Variants in RTN4 observed in about 807,000 individuals in gnomAD.
RTN4 encodes the protein reticulon 4.
A neutral mutation model predicts 90.4 loss-of-function variants in RTN4; 32 were observed. That is an observed-to-expected ratio of 0.35 (90% CI 0.27 to 0.48). The LOEUF is 0.48. Ranked by LOEUF, RTN4 falls within the 20% of genes least tolerant of loss-of-function variation. The pLI is 0.99. For missense variants in RTN4, 1,706 were observed against 1,430.2 expected (o/e 1.19, Z -3.11); for synonymous variants, 629 against 552.5 (o/e 1.14, Z -1.94).
chr2:55,070,668 TG>T (rs1033011636), intron 2 of RTN4, among the ~76,000 whole-genome samples: 1 of 152,018 alleles, frequency 6.6e-6, no homozygotes, highest in African/African-American at 2.4e-5. Context: ...AAATTGACTT[TG>T]GTTAAAAATC....
chr2:55,055,003 T>C (rs987068125), upstream of RTN4, among the ~76,000 whole-genome samples: 2 of 152,112 alleles, frequency 1.3e-5, no homozygotes, highest in African/African-American at 4.8e-5. Flanking sequence ...TAGTTAAGCA[T>C]TGACAGTTAG....
chr2:55,034,666 T>C (rs1008885413), intron 1 of RTN4, among the ~76,000 whole-genome samples: 10 of 152,230 alleles, frequency 6.6e-5, no homozygotes, highest in Non-Finnish European at 1.5e-4. Context: ...AGATGTAAAC[T>C]TTGATCTTTA....
intron 3 of RTN4, among the ~76,000 whole-genome samples, chr2:54,992,930 C>T (rs1477129672): frequency 2.6e-5 from 4 of 151,632 alleles, no homozygotes; most frequent in East Asian, 3.9e-4. Context: ...AAAAATTAGC[C>T]GGGCTTGGTG....
chr2:54,987,405 G>A (rs971283780), intron 4 of RTN4, 86 bp downstream of exon 4: 1 of 998,122 alleles, frequency 1.0e-6, no homozygotes. Flanking sequence ...ATGCATGCTT[G>A]TAACTCTATA....
At chr2:55,082,266 T>G (rs1668734979) in intron 1 of RTN4, among the ~76,000 whole-genome samples, 1 of 152,222 alleles carries the variant, frequency 6.6e-6, no homozygotes, top group African/African-American at 2.4e-5. Context: ...CTCCCTAAGC[T>G]CTTCCATAGA....
At position 55,097,139 on chromosome 2, in the gene RTN4, AG is replaced by A. The variant is rs143693871; in HGVS notation, c.-214+15380del. Among the ~76,000 whole-genome samples the A allele has an allele frequency of 2.4e-3, 360 of 151,898 alleles. 2 individuals are homozygous for A. The highest frequency in any genetic ancestry group is 4.3e-3 in the Admixed American group (66 of 15,198). On this transcript the variant is annotated intron_variant, in intron 1 of 3. Coordinates refer to the RTN4 transcript ENST00000427710. Reference sequence around the variant, plus strand: ...TAGGCAGAGGGCACAGCACGAACTAAGGCATGGCCACTAAGCAATTTAATAT... The same window carrying A: ...TAGGCAGAGGGCACAGCACGAACTAAGCATGGCCACTAAGCAATTTAATAT...
chr2:55,074,586 G>C (rs567597221), intron 2 of RTN4, among the ~76,000 whole-genome samples: 1 of 149,188 alleles, frequency 6.7e-6, no homozygotes, highest in East Asian at 2.0e-4. Flanking sequence ...TATGAAGACA[G>C]TATCACCCTA....
At chr2:55,131,831 C>A in the RTN4 span, among the ~76,000 whole-genome samples, 1 of 152,094 alleles carries the variant, frequency 6.6e-6, no homozygotes, top group Non-Finnish European at 1.5e-5. Flanking sequence ...TTGCAGTGAG[C>A]CAAGATGGCA....
chr2:55,077,026 T>A (rs77949601), intron 2 of RTN4, among the ~76,000 whole-genome samples: 2 of 138,618 alleles, frequency 1.4e-5, no homozygotes, highest in African/African-American at 6.2e-5. Flanking sequence ...TTTTTTTTTT[T>A]TTGAGACGGA....
intron 2 of RTN4, among the ~76,000 whole-genome samples, chr2:55,062,610 G>C (rs1048605824): frequency 6.6e-6 from 1 of 152,196 alleles, no homozygotes; most frequent in African/African-American, 2.4e-5. Context: ...GTCGCAAGTA[G>C]TACTGTGTAC....
At position 54,985,020 on chromosome 2, in the gene RTN4, C is replaced by A. The variant is rs1678436166; in HGVS notation, c.3222-2367G>T. Reference sequence around the variant, plus strand: ...AATATTTTCCAAAAACCTCAAAAATCAAATGATGTGTAAAATTGGAACGGT... The same window carrying A: ...AATATTTTCCAAAAACCTCAAAAATAAAATGATGTGTAAAATTGGAACGGT... On this transcript the variant is annotated intron_variant, in intron 4 of 8. Coordinates refer to ENST00000337526, the MANE Select transcript of RTN4 (RefSeq NM_020532.5). Among the ~76,000 whole-genome samples the A allele has an allele frequency of 2.0e-5, 3 of 152,104 alleles. No homozygotes were observed. The South Asian group carries it at 6.2e-4, about 32-fold the overall frequency.
the RTN4 span, among the ~76,000 whole-genome samples, chr2:55,128,584 G>T: frequency 6.6e-6 from 1 of 152,106 alleles, no homozygotes; most frequent in Non-Finnish European, 1.5e-5. Flanking sequence ...ATAACCATGG[G>T]ATAAGGAAGG....
At chr2:55,131,950 T>C in the RTN4 span, among the ~76,000 whole-genome samples, 131 of 152,324 alleles carry the variant, frequency 8.6e-4, no homozygotes, top group Non-Finnish European at 1.6e-3. Flanking sequence ...ATTTTAACAA[T>C]TACTGTTAAC....
At chr2:55,039,210 G>A (rs546517948) in intron 1 of RTN4, among the ~76,000 whole-genome samples, 9 of 152,174 alleles carry the variant, frequency 5.9e-5, no homozygotes, top group East Asian at 1.9e-4. Flanking sequence ...ACTAATGTAC[G>A]CATTTGTCAA....
intron 3 of RTN4, among the ~76,000 whole-genome samples, chr2:55,019,899 T>C (rs1056190099): frequency 1.3e-5 from 2 of 152,056 alleles, no homozygotes; most frequent in Non-Finnish European, 2.9e-5. Context: ...CGCATGTCTT[T>C]ACACAAACAA....
the RTN4 span, among the ~76,000 whole-genome samples, chr2:55,125,642 T>TGAGTA: frequency 6.6e-6 from 1 of 152,160 alleles, no homozygotes; most frequent in African/African-American, 2.4e-5. Flanking sequence ...GGCACATGCC[T>TGAGTA]GTAATTCCAG....
intron 2 of RTN4, among the ~76,000 whole-genome samples, chr2:55,069,538 T>G (rs1173348778): frequency 1.3e-5 from 2 of 152,112 alleles, no homozygotes; most frequent in Non-Finnish European, 2.9e-5. Flanking sequence ...TGTAGGTGAG[T>G]ATGGAGTATA....
chr2:55,063,462 ATGG>A (rs1668336004), intron 2 of RTN4, among the ~76,000 whole-genome samples: 1 of 151,676 alleles, frequency 6.6e-6, no homozygotes, highest in African/African-American at 2.4e-5. Context: ...ATGACACCAG[ATGG>A]TGGGGGAGAG....
intron 2 of RTN4, among the ~76,000 whole-genome samples, chr2:55,060,348 T>A (rs1290597844): frequency 2.6e-5 from 4 of 152,272 alleles, no homozygotes; most frequent in African/African-American, 9.6e-5. Flanking sequence ...TAGTTTTTCA[T>A]ACCTCTTTAG....
Sources: allele counts gnomAD v4.1 joint callset (sites outside exome capture counted in the v4.1 genomes callset), GRCh38; gene constraint gnomAD v4.1.1; transcripts MANE v1.5; gene names NCBI Gene and HGNC (gene_info 2026-07-23, HGNC 2026-07-21).